AMBRA1: variants seen among roughly 807,000 people sequenced by gnomAD.
AMBRA1 encodes the protein activating molecule in BECN1-regulated autophagy protein 1.
In AMBRA1, 47 loss-of-function variants were observed where a neutral mutation model predicts 125.4. That is an observed-to-expected ratio of 0.37 (90% CI 0.30 to 0.48). The LOEUF (loss-of-function observed/expected upper bound fraction) is 0.48. AMBRA1 is among the 20% of genes least tolerant of loss of function. The pLI is 0.99. For missense variants in AMBRA1, 1,331 were observed against 1,693.4 expected, an observed-to-expected ratio of 0.79 and a Z score of 3.76; for synonymous variants, 626 against 655.5, an observed-to-expected ratio of 0.95 and a Z score of 0.69.
At chr11:46,532,529 C>A (rs542264349) in intron 7 of AMBRA1, among the ~76,000 whole-genome samples, 1 of 152,150 alleles carries the variant, frequency 6.6e-6, no homozygotes, top group Admixed American at 6.5e-5. Context: ...CTCTGCCTCC[C>A]GGCTTCAAGC....
At chr11:46,484,994 A>G (rs1351910724) in intron 11 of AMBRA1, among the ~76,000 whole-genome samples, 2 of 148,352 alleles carry the variant, frequency 1.3e-5, no homozygotes, top group South Asian at 2.2e-4. Context: ...CTGGAGTGCA[A>G]TGGCGCGATC....
At chr11:46,591,728 G>A (rs1016995961) in intron 1 of AMBRA1, among the ~76,000 whole-genome samples, 18 of 151,656 alleles carry the variant, frequency 1.2e-4, no homozygotes, top group African/African-American at 3.9e-4. Context: ...TGGTGGCGAC[G>A]CCTGTAATCC....
At chr11:46,492,880 T>C (rs1950513495) in intron 11 of AMBRA1, among the ~76,000 whole-genome samples, 1 of 152,016 alleles carries the variant, frequency 6.6e-6, no homozygotes, top group Admixed American at 6.6e-5. Flanking sequence ...AAACCCCCTC[T>C]CTACTAAAAA....
intron 2 of AMBRA1, 106 bp downstream of exon 2, chr11:46,548,140 C>T: frequency 6.7e-7 from 1 of 1,496,194 alleles, no homozygotes; most frequent in Non-Finnish European, 9.1e-7. Context: ...GTCAACTCTC[C>T]CACACAAGAT....
chr11:46,547,186 G>C lies in AMBRA1; in HGVS notation c.305C>G (p.Thr102Ser). 6.2e-7 allele frequency: 1 copy of C among 1,614,192 alleles called. No individual in the cohort carries two copies. Among genetic ancestry groups the C allele is most frequent in the Non-Finnish European group, 8.5e-7 (1 of 1,180,038 alleles). Residue 102 changes from threonine to serine, a missense_variant, in exon 4 of 18, where the codon ACT (threonine) becomes AGT (serine). Transcript: ENST00000683756. ...IGHRRTPWCV[T>S]FHPTISGLIA... Reference sequence around the variant, plus strand: ...AAGGCCTGAGATGGTGGGATGAAAAGTGACACACCATGGAGTACGGCGGTG... The same window carrying C: ...AAGGCCTGAGATGGTGGGATGAAAACTGACACACCATGGAGTACGGCGGTG...
intron 17 of AMBRA1, among the ~76,000 whole-genome samples, chr11:46,406,372 T>TAAAAA (rs529275776): frequency 6.1e-5 from 5 of 81,570 alleles, no homozygotes; most frequent in Non-Finnish European, 6.8e-5. Flanking sequence ...ATCTTTAAAT[T>TAAAAA]AAAAAAAAAA....
chr11:46,429,186 C>T (rs1947325333), intron 14 of AMBRA1: 14 of 1,498,566 alleles, frequency 9.3e-6, no homozygotes, highest in Non-Finnish European at 1.3e-5. Context: ...CTTCATCCTC[C>T]CCCTCTCCCT....
chr11:46,583,535 A>G (rs1393621631), intron 1 of AMBRA1, among the ~76,000 whole-genome samples: 27 of 145,470 alleles, frequency 1.9e-4, no homozygotes, highest in Non-Finnish European at 3.5e-4. Context: ...TCTGCACAGC[A>G]AAAGAAACTA....
intron 4 of AMBRA1, among the ~76,000 whole-genome samples, chr11:46,546,446 C>A (rs1411300305): frequency 6.6e-6 from 1 of 152,110 alleles, no homozygotes; most frequent in African/African-American, 2.4e-5. Context: ...CTTTGATGAT[C>A]ATGATCGGAG....
Position 46,408,552 on chromosome 11 carries a change from C to T in AMBRA1, c.3364G>A (p.Val1122Met). The T allele has an allele frequency of 2.5e-6, 4 of 1,594,130 alleles. No homozygotes were observed. Among genetic ancestry groups the T allele is most frequent in the East Asian group, 4.5e-5 (2 of 44,070 alleles). ...GAGGCGGCTGTCCCTGGCTCCGGCACCTCCCTCTCAGTCTGTGTTTCGGCA... is the reference window on the plus strand; with the variant it reads ...GAGGCGGCTGTCCCTGGCTCCGGCATCTCCCTCTCAGTCTGTGTTTCGGCA... ...QNAETQTEREVPEPGTAASGP... is the reference protein window; with the variant it reads ...QNAETQTEREMPEPGTAASGP... Residue 1122 changes from valine to methionine, a missense_variant, in exon 17 of 18, where the codon GTG becomes ATG. Coordinates refer to ENST00000683756, the MANE Select transcript of AMBRA1 (RefSeq NM_001387011.1).
chr11:46,518,658 C>G (rs1565243947), intron 7 of AMBRA1, among the ~76,000 whole-genome samples: 1 of 151,950 alleles, frequency 6.6e-6, no homozygotes, highest in South Asian at 2.1e-4. Flanking sequence ...AGAAGATGTT[C>G]GCCCATTTCT....
chr11:46,497,128 T>C (rs1278997688), intron 9 of AMBRA1, among the ~76,000 whole-genome samples: 3 of 151,094 alleles, frequency 2.0e-5, no homozygotes, highest in Non-Finnish European at 4.4e-5. Context: ...AATAAATAAA[T>C]AAAATAAAAT....
chr11:46,542,482 C>T lies in AMBRA1; in HGVS notation c.1535G>A (p.Arg512Gln), dbSNP rs144724685. 8.5e-4 allele frequency: 1,378 copies of T among 1,613,754 alleles called. 7 individuals are homozygous for T. Among genetic ancestry groups the T allele is most frequent in the East Asian group, 5.5e-3 (246 of 44,870 alleles). The change falls in exon 7 of 18, where the codon CGG becomes CAG. Residue 512 changes from arginine (R) to glutamine (Q), a missense_variant. Transcript: ENST00000683756. This position sits in a 1 kb window ranked among gnomAD's most constrained non-coding sequence, Gnocchi z 5.9. ...DLRRFFLEYD[R>Q]LQELDQSLSG... ...CAGGCTCTGATCCAGCTCCTGAAGC[C>T]GGTCATACTCCAGAAAGAAGCGTCT...
intron 14 of AMBRA1, among the ~76,000 whole-genome samples, chr11:46,430,402 T>C (rs1478999171): frequency 1.3e-5 from 2 of 152,210 alleles, no homozygotes; most frequent in African/African-American, 4.8e-5. Context: ...AAATCTTGTT[T>C]TAAAAATACT....
chr11:46,485,071 G>A (rs1209259280), intron 11 of AMBRA1, among the ~76,000 whole-genome samples: 1 of 152,056 alleles, frequency 6.6e-6, no homozygotes. Flanking sequence ...CCGAATAGCT[G>A]GGATTACAGG....
chr11:46,543,964 G>C lies in AMBRA1; in HGVS notation c.618+11C>G. 6.2e-7 allele frequency: 1 copy of C among 1,610,728 alleles called. No homozygotes were observed. Among genetic ancestry groups the C allele is most frequent in the Non-Finnish European group, 8.5e-7 (1 of 1,177,234 alleles). ...AGTTTAGCTGGAATTGGAACTGCTG[G>C]ACTAACTTACCTGTTGATTAGAGGG... is the stretch of plus-strand genomic sequence containing the variant. On this transcript the variant is annotated intron_variant, in intron 6 of 17. Coordinates refer to ENST00000683756, the MANE Select transcript of AMBRA1 (RefSeq NM_001387011.1).
chr11:46,462,533 C>T (rs992126645), intron 11 of AMBRA1, among the ~76,000 whole-genome samples: 22 of 152,142 alleles, frequency 1.4e-4, no homozygotes, highest in African/African-American at 4.6e-4. Flanking sequence ...AGGCCCTCCT[C>T]GATCTGGACC....
chr11:46,482,465 C>T lies in AMBRA1; in HGVS notation c.2521+11143G>A, dbSNP rs540345063. Among the ~76,000 whole-genome samples, 25 of 152,314 alleles carry T rather than the reference C, an allele frequency of 1.6e-4. No homozygotes were observed. In the South Asian group the frequency reaches 5.0e-3, roughly 30 times the overall value. On this transcript the variant is annotated intron_variant, in intron 11 of 17. Coordinates refer to ENST00000683756, the MANE Select transcript of AMBRA1 (RefSeq NM_001387011.1). ...TACAAAAAGCAGCCACTGGCACTAA[C>T]TATATCAATATGGTAGATTCTGGAG...
intron 1 of AMBRA1, among the ~76,000 whole-genome samples, chr11:46,565,045 C>A (rs1260535542): frequency 6.6e-6 from 1 of 152,054 alleles, no homozygotes; most frequent in Non-Finnish European, 1.5e-5. Flanking sequence ...TCACTTGAGT[C>A]CAAGGTTCGA....
Sources: allele counts gnomAD v4.1 joint callset (sites outside exome capture counted in the v4.1 genomes callset), GRCh38; gene constraint gnomAD v4.1.1; non-coding constraint Gnocchi (gnomAD v3.1); transcripts MANE v1.5; gene names NCBI Gene and HGNC (gene_info 2026-07-23, HGNC 2026-07-21).